The following ALG6 variants were observed in gnomAD, a reference collection of about 807,000 sequenced individuals.
ALG6 encodes the protein ALG6 alpha-1,3-glucosyltransferase.
ALG6 carries 46 observed loss-of-function variants against 66.6 expected under a neutral mutation model. That is an observed-to-expected ratio of 0.69 (90% CI 0.55 to 0.88). The LOEUF is 0.88. Ranked by LOEUF, ALG6 falls within the 40% of genes least tolerant of loss-of-function variation. The probability of loss-of-function intolerance (pLI) is 0.00; values close to 1 mark genes in which losing one functional copy is unlikely to be tolerated. For synonymous variants in ALG6, 185 were observed against 203.7 expected, an observed-to-expected ratio of 0.91 and a Z score of 0.78; for missense variants, 505 against 586.8, an observed-to-expected ratio of 0.86 and a Z score of 1.44.
At chr1:63,372,457 A>G (rs1389266791) in intron 2 of ALG6, among the ~76,000 whole-genome samples, 1 of 151,736 alleles carries the variant, frequency 6.6e-6, no homozygotes, top group Non-Finnish European at 1.5e-5. Context: ...ATGTGTGTCT[A>G]TATAGTAAAT....
intron 2 of ALG6, among the ~76,000 whole-genome samples, chr1:63,391,559 T>G (rs1648673417): frequency 6.6e-6 from 1 of 152,220 alleles, no homozygotes; most frequent in Non-Finnish European, 1.5e-5. Context: ...CAGTTCTTCC[T>G]GCACCTGCCC....
intron 3 of ALG6, among the ~76,000 whole-genome samples, chr1:63,400,268 CGTATATATAT>C (rs1557587514): frequency 0.35 from 4,477 of 12,926 alleles, 1,468 homozygotes; most frequent in East Asian, 0.53. Flanking sequence ...TATATATATA[CGTATATATAT>C]ATACGTATAT....
chr1:63,410,755 G>A (rs1032686184), intron 7 of ALG6, among the ~76,000 whole-genome samples: 25 of 151,936 alleles, frequency 1.6e-4, no homozygotes, highest in African/African-American at 4.8e-4. Flanking sequence ...GAAGTGTAGC[G>A]ATCTCAGTAA....
Position 63,406,371 on chromosome 1 carries a change from G to A in ALG6, c.401G>A (p.Cys134Tyr). The A allele has an allele frequency of 6.2e-7, 1 of 1,613,238 alleles. No homozygotes were observed. Among genetic ancestry groups the A allele is most frequent in the Non-Finnish European group, 8.5e-7 (1 of 1,179,496 alleles). Residue 134 changes from cysteine (C) to tyrosine (Y), a missense_variant, in exon 6 of 15, where the codon TGC (cysteine) becomes TAC (tyrosine). Transcript: ENST00000263440. ...YIPAVVLYCC[C>Y]LKEISTKKKI... The stretch of plus-strand genomic sequence containing the variant: ...CCTGCAGTGGTTTTGTACTGTTGTT[G>A]CTTAAAAGAAATCTCAACTAAGAAA...
At chr1:63,407,301 C>T (rs1009353787) in intron 7 of ALG6, among the ~76,000 whole-genome samples, 175 bp downstream of exon 7, 2 of 151,960 alleles carry the variant, frequency 1.3e-5, no homozygotes, top group Non-Finnish European at 2.9e-5. Context: ...AGGTAAAGTA[C>T]AGATTTATTA....
chr1:63,399,628 C>T (rs1406575907), intron 3 of ALG6, among the ~76,000 whole-genome samples: 1 of 152,254 alleles, frequency 6.6e-6, no homozygotes, highest in Non-Finnish European at 1.5e-5. Flanking sequence ...TAAGTTATTT[C>T]AACTATTCTT....
intron 4 of ALG6, among the ~76,000 whole-genome samples, chr1:63,402,869 G>A (rs1400877424): frequency 6.6e-6 from 1 of 151,116 alleles, no homozygotes; most frequent in East Asian, 2.0e-4. Flanking sequence ...GGCCGAGGCG[G>A]GCGGATCACG....
intron 12 of ALG6, among the ~76,000 whole-genome samples, chr1:63,422,011 A>AGTATATATATATACATATATGT (rs1553156394): frequency 1.4e-5 from 2 of 142,686 alleles, no homozygotes; most frequent in African/African-American, 5.2e-5. Flanking sequence ...CAGAACTTAA[A>AGTATATATATATACATATATGT]GTATATATAT....
At chr1:63,392,883 G>A (rs1648712109) in intron 2 of ALG6, among the ~76,000 whole-genome samples, 3 of 152,194 alleles carry the variant, frequency 2.0e-5, no homozygotes, top group Admixed American at 2.0e-4. Context: ...TTCATACTCA[G>A]TGTCAGCTGA....
chr1:63,382,647 T>TTTTTG (rs1557581348), intron 2 of ALG6, among the ~76,000 whole-genome samples: 2 of 22,144 alleles, frequency 9.0e-5, no homozygotes, highest in African/African-American at 3.9e-4. Context: ...CTAAGTTTTT[T>TTTTTG]TTTGTTTGTT....
In ALG6 at chr1:63,423,020, T is replaced by C. The variant is rs141580112; in HGVS notation, c.1058+3580T>C. On this transcript the variant is annotated intron_variant, in intron 12 of 14. Coordinates refer to ENST00000263440, the MANE Select transcript of ALG6 (RefSeq NM_013339.4). ...AAGAACTAAAGACAAGTAGGGATAA[T>C]GCAATTTTTTTTTTTTTTTTTGAGG... 1.0e-2 allele frequency among the ~76,000 whole-genome samples: 1,092 copies of C among 109,538 alleles called. 11 individuals are homozygous for C. The highest frequency in any genetic ancestry group is 0.038 in the African/African-American group (979 of 25,842). 71.9% of individuals were successfully genotyped at this position (109,538 alleles called of 152,430 possible).
In ALG6 at chr1:63,411,285, T is replaced by C. The variant is rs1644514646; in HGVS notation, c.634T>C (p.Cys212Arg). 1 of 1,613,808 alleles carries C rather than the reference T, an allele frequency of 6.2e-7. No individual in the cohort carries two copies. The highest frequency in any genetic ancestry group is 1.3e-5 in the African/African-American group (1 of 74,904). The part of the protein sequence containing the change: ...MELYHALPFF[C>R]FLLGKCFKKG... The stretch of plus-strand genomic sequence containing the variant: ...ACTTTACCACGCCTTGCCATTTTTT[T>C]GCTTTTTACTTGGCAAGTGTTTTAA... Residue 212 changes from cysteine to arginine, a missense_variant, in exon 8 of 15, where the codon TGC becomes CGC. Cys to Arg is a radical substitution (Grantham distance 180). Transcript: ENST00000263440.
At chr1:63,432,853 A>G (rs1467836762) in intron 14 of ALG6, among the ~76,000 whole-genome samples, 1 of 152,180 alleles carries the variant, frequency 6.6e-6, no homozygotes, top group Non-Finnish European at 1.5e-5. Context: ...TGCAACCTGG[A>G]ACTCCTGGGC....
At chr1:63,391,898 T>G (rs1403228918) in intron 2 of ALG6, among the ~76,000 whole-genome samples, 1 of 152,220 alleles carries the variant, frequency 6.6e-6, no homozygotes, top group East Asian at 1.9e-4. Context: ...GATTTTAGTA[T>G]TGATTGTTTA....
At chr1:63,400,267 ACGTATATATATATACG>A (rs1644450686) in intron 3 of ALG6, among the ~76,000 whole-genome samples, 5 of 1,634 alleles carry the variant, frequency 3.1e-3, no homozygotes, top group Non-Finnish European at 4.9e-3. Flanking sequence ...ATATATATAT[ACGTATATATATATACG>A]TATATATATA....
At chr1:63,368,767 C>G (rs974448929) in intron 1 of ALG6, among the ~76,000 whole-genome samples, 1 of 152,208 alleles carries the variant, frequency 6.6e-6, no homozygotes, top group Non-Finnish European at 1.5e-5. Context: ...TCCCAAAGTG[C>G]TGGGATTACA....
chr1:63,400,593 T>C (rs1474387485), intron 3 of ALG6, among the ~76,000 whole-genome samples: 1 of 151,852 alleles, frequency 6.6e-6, no homozygotes, highest in East Asian at 1.9e-4. Context: ...CATTGCATGC[T>C]TGCAGCTTAC....
chr1:63,418,450 A>G (rs1042630282), intron 11 of ALG6, among the ~76,000 whole-genome samples: 13 of 152,016 alleles, frequency 8.6e-5, no homozygotes, highest in African/African-American at 2.9e-4. Flanking sequence ...TAAGGCAGGA[A>G]CACATTTGGC....
At chr1:63,402,722 C>A (rs1205159341) in intron 4 of ALG6, among the ~76,000 whole-genome samples, 4 of 151,292 alleles carry the variant, frequency 2.6e-5, no homozygotes, top group Non-Finnish European at 5.9e-5. Context: ...CCACCTCAGC[C>A]TCCCAAAGTG....
Sources: allele counts gnomAD v4.1 joint callset (sites outside exome capture counted in the v4.1 genomes callset), GRCh38; gene constraint gnomAD v4.1.1; transcripts MANE v1.5; gene names NCBI Gene and HGNC (gene_info 2026-07-23, HGNC 2026-07-21).